Variants in KANK1 observed in about 807,000 individuals in gnomAD.
KANK1 encodes the protein KN motif and ankyrin repeat domains 1.
Under a neutral mutation model 106.2 loss-of-function variants are expected in KANK1, and 109 were observed. The observed-to-expected ratio is 1.03, with a 90% CI of 0.88 to 1.20. KANK1 has a LOEUF of 1.20. Ranked by LOEUF, KANK1 falls within the 50% of genes most tolerant of loss-of-function variation. The pLI is 0.00. For synonymous variants in KANK1, 873 were observed against 652.2 expected (o/e 1.34, Z -5.16); for missense variants, 2,399 against 1,710.7 (o/e 1.40, Z -7.10).
chr9:720,096 A>G lies in KANK1; in HGVS notation c.2698+6632A>G, dbSNP rs190584224. ...TCCTCTTATTTTCCAGGACACTGAG[A>G]TTTCTGTCACTTGTTGTCCTTTAGT... On this transcript the variant is annotated intron_variant, in intron 3 of 11. Transcript: ENST00000382297. Among the ~76,000 whole-genome samples, 159 of 152,304 alleles carry G rather than the reference A, an allele frequency of 1.0e-3. 1 individual carries two copies. Among genetic ancestry groups the G allele is most frequent in the African/African-American group, 3.7e-3 (154 of 41,554 alleles).
intron 3 of KANK1, among the ~76,000 whole-genome samples, chr9:715,427 C>T (rs538965968): frequency 1.3e-5 from 2 of 152,340 alleles, no homozygotes; most frequent in Admixed American, 1.3e-4. Context: ...CCTCCCTCCT[C>T]CCCAAACTGG....
chr9:731,345 T>G, intron 5 of KANK1, 79 bp downstream of exon 5: 4 of 796,958 alleles, frequency 5.0e-6, no homozygotes, highest in Non-Finnish European at 8.3e-6. Flanking sequence ...TCAAGGCGCC[T>G]AGTCGGGGAA....
At chr9:563,074 G>A (rs1377240629) in intron 1 of KANK1, among the ~76,000 whole-genome samples, 1 of 152,172 alleles carries the variant, frequency 6.6e-6, no homozygotes, top group African/African-American at 2.4e-5. Flanking sequence ...ACATGAAAGA[G>A]ATTAGATCAA....
At chr9:658,679 C>T (rs530195204) in intron 1 of KANK1, among the ~76,000 whole-genome samples, 2 of 152,138 alleles carry the variant, frequency 1.3e-5, no homozygotes, top group African/African-American at 4.8e-5. Flanking sequence ...TAAGAAGATT[C>T]ATTATTTTGA....
At position 688,544 on chromosome 9, in the gene KANK1, C is replaced by T. The variant is rs574354773; in HGVS notation, c.37+11535C>T. Among the ~76,000 whole-genome samples, 81 of 149,144 alleles carry T rather than the reference C, an allele frequency of 5.4e-4. 1 individual carries two copies. Among genetic ancestry groups the T allele is most frequent in the Middle Eastern group, 3.2e-3 (1 of 310 alleles). On this transcript the variant is annotated intron_variant, in intron 2 of 11. Transcript: ENST00000382297. ...TAGCTTGAACCCGAGAGGTGGAGGTCGCAGTGAGCCGAGATCTGCACTTCA... is the reference window on the plus strand; with the variant it reads ...TAGCTTGAACCCGAGAGGTGGAGGTTGCAGTGAGCCGAGATCTGCACTTCA...
At position 603,123 on chromosome 9, in the gene KANK1, T is replaced by A. The variant is rs543878352; in HGVS notation, c.-83-73767T>A. ...ATATAGATCTAAGAGTAGATTTATA[T>A]CAGGATTTGAAAGATGAATCTTTTT... On this transcript the variant is annotated intron_variant, in intron 1 of 11. Transcript: ENST00000382297. 1.1e-3 allele frequency among the ~76,000 whole-genome samples: 162 copies of A among 151,930 alleles called. 6 individuals carry two copies. The highest frequency in any genetic ancestry group is 3.8e-3 in the African/African-American group (157 of 41,224).
At chr9:518,728 G>C (rs1443596689) in intron 1 of KANK1, among the ~76,000 whole-genome samples, 2 of 151,468 alleles carry the variant, frequency 1.3e-5, no homozygotes, top group Non-Finnish European at 2.9e-5. Flanking sequence ...CTTTAGGCTA[G>C]AGGAGCGGAG....
chr9:473,908 C>T (rs1564106588), intron 3 of KANK1, among the ~76,000 whole-genome samples: 2 of 152,096 alleles, frequency 1.3e-5, no homozygotes, highest in Non-Finnish European at 2.9e-5. Context: ...CCATGTTGGC[C>T]AGGATGGTCT....
rs1251460628 is a variant in KANK1, at chr9:668,055, C to G, written c.-83-8835C>G. The stretch of plus-strand genomic sequence containing the variant: ...CCAAAATTCCTCTTGTTATTGATAT[C>G]TAGTTTTATTCCATTGTGGTCAGAA... On this transcript the variant is annotated intron_variant, in intron 1 of 11. Coordinates refer to ENST00000382297, the MANE Select transcript of KANK1 (RefSeq NM_015158.5). 2.0e-5 allele frequency among the ~76,000 whole-genome samples: 3 copies of G among 152,056 alleles called. No homozygotes were observed. In the South Asian group the frequency reaches 6.2e-4, roughly 32 times the overall value.
chr9:537,956 A>G (rs971813728), intron 1 of KANK1, among the ~76,000 whole-genome samples: 2 of 151,936 alleles, frequency 1.3e-5, no homozygotes, highest in African/African-American at 4.8e-5. Flanking sequence ...TTATTTTCTC[A>G]CTCAACACAA....
chr9:583,025 T>G (rs10491599), intron 1 of KANK1, among the ~76,000 whole-genome samples: 9,725 of 152,216 alleles, frequency 0.064, 820 homozygotes, highest in East Asian at 0.23. Context: ...AGTAAAGATA[T>G]GTCATAGAGG....
At chr9:516,259 A>G (rs755853196) in intron 1 of KANK1, among the ~76,000 whole-genome samples, 3 of 151,594 alleles carry the variant, frequency 2.0e-5, no homozygotes, top group Non-Finnish European at 2.9e-5. Context: ...GCCTCCAGAG[A>G]CACCAAACTT....
intron 3 of KANK1, among the ~76,000 whole-genome samples, chr9:487,563 T>C (rs966136316): frequency 1.3e-5 from 2 of 152,078 alleles, no homozygotes; most frequent in Middle Eastern, 3.2e-3. Flanking sequence ...GTATAGGGAG[T>C]CTGTACAAGT....
At chr9:506,481 A>G (rs1010859961) in intron 1 of KANK1, among the ~76,000 whole-genome samples, 2 of 152,158 alleles carry the variant, frequency 1.3e-5, no homozygotes, top group African/African-American at 4.8e-5. Context: ...TGCCTAGTCC[A>G]TAAATCACTC....
At chr9:691,611 A>ATTTTTTTCTTTTTTTTT (rs1554684788) in intron 2 of KANK1, among the ~76,000 whole-genome samples, 1 of 71,082 alleles carries the variant, frequency 1.4e-5, no homozygotes, top group African/African-American at 4.6e-5. Context: ...TAATACCAGA[A>ATTTTTTTCTTTTTTTTT]TTTTTTTTTT....
intron 2 of KANK1, among the ~76,000 whole-genome samples, chr9:703,951 C>T (rs1162289341): frequency 6.6e-6 from 1 of 150,686 alleles, no homozygotes; most frequent in Non-Finnish European, 1.5e-5. Flanking sequence ...TGACCTCAGG[C>T]AATCTGCCCA....
chr9:578,440 C>A (rs1355938738), intron 1 of KANK1, among the ~76,000 whole-genome samples: 2 of 151,440 alleles, frequency 1.3e-5, no homozygotes, highest in Admixed American at 6.6e-5. Flanking sequence ...TGTTTCATTT[C>A]TTATTAATCC....
chr9:732,640 C>G, intron 6 of KANK1, 23 bp downstream of exon 6: 2 of 1,605,720 alleles, frequency 1.2e-6, no homozygotes, highest in Non-Finnish European at 1.7e-6. Context: ...CCCCTTCCCT[C>G]CCTTGCCCCT....
rs1328870959 is a variant in KANK1, at chr9:745,103, A to G, written c.3997-70A>G. ...GTTGCCTGTGGTGGGCCAAGATCCT[A>G]TGTCACAGGGTACACATCTGCCTGA... is the stretch of plus-strand genomic sequence containing the variant. On this transcript the variant is annotated intron_variant, in intron 11 of 11. Coordinates refer to ENST00000382297, the MANE Select transcript of KANK1 (RefSeq NM_015158.5). The G allele has an allele frequency of 2.0e-5, 32 of 1,577,328 alleles. No homozygotes were observed. The East Asian group carries it at 2.9e-4, about 14-fold the overall frequency.
Sources: allele counts gnomAD v4.1 joint callset (sites outside exome capture counted in the v4.1 genomes callset), GRCh38; gene constraint gnomAD v4.1.1; transcripts MANE v1.5; gene names NCBI Gene and HGNC (gene_info 2026-07-23, HGNC 2026-07-21).